The following RYR3 variants were observed in gnomAD, a reference collection of about 807,000 sequenced individuals.
RYR3 encodes brain ryanodine receptor-calcium release channel.
Under a neutral mutation model 584.3 loss-of-function variants are expected in RYR3, and 207 were observed. That is an observed-to-expected ratio of 0.35 (90% CI 0.32 to 0.40). The LOEUF is 0.40. RYR3 is among the 10% of genes least tolerant of loss of function. The pLI, the probability that RYR3 is intolerant of heterozygous loss-of-function variation, is 1.00. For missense variants in RYR3, 5,616 were observed against 6,089.2 expected, an observed-to-expected ratio of 0.92 and a Z score of 2.59; for synonymous variants, 2,416 against 2,248.5, an observed-to-expected ratio of 1.07 and a Z score of -2.11.
At chr15:33,756,267 G>T in intron 58 of RYR3, 39 bp from the exon 59 acceptor site, 1 of 1,453,136 alleles carries the variant, frequency 6.9e-7, no homozygotes. Context: ...TTTTTACTTC[G>T]TAACTCTGGC....
intron 1 of RYR3, among the ~76,000 whole-genome samples, chr15:33,326,377 T>A (rs1239144245): frequency 1.3e-5 from 2 of 152,166 alleles, no homozygotes; most frequent in Non-Finnish European, 2.9e-5. Flanking sequence ...TTAAAGGTGA[T>A]CAAAACACAT....
At chr15:33,363,998 A>G (rs899260547) in intron 1 of RYR3, among the ~76,000 whole-genome samples, 1 of 152,210 alleles carries the variant, frequency 6.6e-6, no homozygotes, top group African/African-American at 2.4e-5. Context: ...CTAAATACAG[A>G]TCAAGTATTT....
At chr15:33,606,128 G>T (rs532567435) in intron 18 of RYR3, among the ~76,000 whole-genome samples, 1 of 152,276 alleles carries the variant, frequency 6.6e-6, no homozygotes, top group South Asian at 2.1e-4. Context: ...AGTTACGCCT[G>T]GGTTTGAGTC....
chr15:33,722,389 G>A (rs752999067), intron 43 of RYR3: 36 of 324,230 alleles, frequency 1.1e-4, no homozygotes, highest in Admixed American at 2.1e-4. Flanking sequence ...AACCTGCTCT[G>A]TAATGGTGGA....
chr15:33,672,327 C>T (rs1418821741), intron 38 of RYR3, among the ~76,000 whole-genome samples: 1 of 152,164 alleles, frequency 6.6e-6, no homozygotes, highest in East Asian at 1.9e-4. Flanking sequence ...GCACACAGAC[C>T]ACATTCTGTC....
At chr15:33,861,585 T>C (rs1190884263) in intron 102 of RYR3, among the ~76,000 whole-genome samples, 2 of 152,150 alleles carry the variant, frequency 1.3e-5, no homozygotes, top group Non-Finnish European at 2.9e-5. Context: ...AAGCTGTCCA[T>C]GCTCAGTCAC....
rs368940982 is a variant in RYR3 at position 33,750,246 on chromosome 15, C to T, written c.8359C>T (p.Leu2787=). ...KFKDREKAQD[L]FKFLQVNGII... is the part of the protein sequence containing the mutation. ...CAAGGACCGGGAGAAGGCACAGGAC[C>T]TGTTTAAGTTCCTCCAAGTGAATGG... The change falls in exon 57 of 104, where the codon CTG becomes TTG. Residue 2787 remains leucine (L), a synonymous_variant. Coordinates refer to ENST00000634891, the MANE Select transcript of RYR3 (RefSeq NM_001036.6). The T allele has an allele frequency of 6.2e-7, 1 of 1,610,548 alleles. No homozygotes were observed. Among genetic ancestry groups the T allele is most frequent in the Non-Finnish European group, 8.5e-7 (1 of 1,178,400 alleles).
chr15:33,399,991 T>A (rs111783052), intron 1 of RYR3, among the ~76,000 whole-genome samples: 19 of 152,198 alleles, frequency 1.2e-4, no homozygotes, highest in African/African-American at 4.6e-4. Context: ...AGAAATGGAA[T>A]GTTACTGAAA....
At chr15:33,785,477 GC>G (rs1188025329) in intron 65 of RYR3, among the ~76,000 whole-genome samples, 184 bp from the exon 66 acceptor site, 3 of 152,172 alleles carry the variant, frequency 2.0e-5, no homozygotes, top group Admixed American at 1.3e-4. Context: ...AGATAATGCA[GC>G]CTCTGGAAGC....
chr15:33,683,447 C>A (rs2064775296), intron 38 of RYR3, among the ~76,000 whole-genome samples: 1 of 152,176 alleles, frequency 6.6e-6, no homozygotes, highest in Non-Finnish European at 1.5e-5. Context: ...GAAAGAGATT[C>A]ATGTATATTC....
intron 102 of RYR3, 108 bp downstream of exon 102, chr15:33,861,286 C>G: frequency 2.8e-6 from 2 of 712,680 alleles, no homozygotes; most frequent in Middle Eastern, 2.5e-4. Context: ...AAAGGAACTT[C>G]CAGGAGTCCC....
chr15:33,859,524 A>T, intron 99 of RYR3, 51 bp from the exon 100 acceptor site: 1 of 1,602,118 alleles, frequency 6.2e-7, no homozygotes, highest in Non-Finnish European at 8.5e-7. Flanking sequence ...GCATCTTGCT[A>T]AAAACAGAAC....
chr15:33,863,031 ACGTGTC>A (rs1269478785), intron 102 of RYR3, among the ~76,000 whole-genome samples: 1 of 152,234 alleles, frequency 6.6e-6, no homozygotes. Context: ...GCCCATGGCC[ACGTGTC>A]TGTACCCATG....
At chr15:33,397,003 AT>A (rs1389459934) in intron 1 of RYR3, among the ~76,000 whole-genome samples, 13 of 152,256 alleles carry the variant, frequency 8.5e-5, no homozygotes, top group Admixed American at 7.8e-4. Context: ...AAGGCAAAAA[AT>A]AACATCTGCA....
chr15:33,725,982 A>ACCGCC (rs1567033976), intron 45 of RYR3, among the ~76,000 whole-genome samples: 6 of 125,662 alleles, frequency 4.8e-5, no homozygotes, highest in Admixed American at 8.5e-5. Context: ...CCCCCAAAAA[A>ACCGCC]AAAAAAAAAA....
Position 33,613,170 on chromosome 15 carries a change from C to T in RYR3, c.2165-13C>T. On this transcript the variant is annotated splice_polypyrimidine_tract_variant and intron_variant, in intron 18 of 103. Transcript: ENST00000634891. Reference sequence around the variant, plus strand: ...AGAGTTCCACAGCCTTCTTCCTGTTCTTTCCTCACCAGGCCGGATACCCAG... The same window carrying T: ...AGAGTTCCACAGCCTTCTTCCTGTTTTTTCCTCACCAGGCCGGATACCCAG... 2 of 1,609,936 alleles carry T rather than the reference C, an allele frequency of 1.2e-6. No individual in the cohort carries two copies. Among genetic ancestry groups the T allele is most frequent in the Non-Finnish European group, 1.7e-6 (2 of 1,177,044 alleles).
intron 5 of RYR3, 63 bp from the exon 6 acceptor site, chr15:33,539,287 G>T (rs765292307): frequency 1.0e-5 from 11 of 1,053,172 alleles, no homozygotes; most frequent in Non-Finnish European, 1.6e-5. Context: ...AGGAGAACAA[G>T]GAGCAAAATT....
chr15:33,474,384 A>C (rs1381053272), intron 2 of RYR3, among the ~76,000 whole-genome samples: 3 of 152,184 alleles, frequency 2.0e-5, no homozygotes, highest in Non-Finnish European at 2.9e-5. Flanking sequence ...ATCTGTAGTT[A>C]GTATCAGTAG....
chr15:33,525,167 C>T (rs912052690), intron 3 of RYR3, among the ~76,000 whole-genome samples: 2 of 152,296 alleles, frequency 1.3e-5, no homozygotes, highest in South Asian at 4.1e-4. Flanking sequence ...TTCTCATTTG[C>T]CATCCGCATC....
Sources: gnomAD v4.1 joint callset for allele counts (sites outside exome capture counted in the v4.1 genomes callset) on GRCh38, gnomAD v4.1.1 for gene constraint, MANE v1.5 for transcripts, NCBI Gene and HGNC (gene_info 2026-07-23, HGNC 2026-07-21) for gene names.